The following TIGAR variants were observed in gnomAD, a reference collection of about 807,000 sequenced individuals.
TIGAR encodes the protein fructose-2,6-bisphosphatase TIGAR.
Under a neutral mutation model 17.9 loss-of-function variants are expected in TIGAR, and 7 were observed. The observed-to-expected ratio is 0.39, with a 90% confidence interval of 0.22 to 0.73. The LOEUF (loss-of-function observed/expected upper bound fraction) is 0.73. Among genes scored for constraint, TIGAR ranks in the 30% least tolerant of loss-of-function variants. The probability of loss-of-function intolerance (pLI) is 0.42; values close to 1 mark genes in which losing one functional copy is unlikely to be tolerated. For synonymous variants in TIGAR, 94 were observed against 108.6 expected (o/e 0.87, Z 0.84); for missense variants, 258 against 327.4 (o/e 0.79, Z 1.64).
intron 1 of TIGAR, among the ~76,000 whole-genome samples, chr12:4,328,611 C>G (rs1301573803): frequency 2.1e-5 from 3 of 139,676 alleles, no homozygotes; most frequent in Non-Finnish European, 4.6e-5. Flanking sequence ...GAGTCTTGCT[C>G]TGTTGCCCAG....
chr12:4,331,148 T>G, intron 1 of TIGAR, 132 bp from the exon 2 acceptor site: 1 of 776,788 alleles, frequency 1.3e-6, no homozygotes, highest in Non-Finnish European at 2.2e-6. Context: ...TTTTACAGGT[T>G]GGATTATGAA....
chr12:4,339,481 A>ATTAG (rs1864696468), intron 3 of TIGAR, among the ~76,000 whole-genome samples: 2 of 152,182 alleles, frequency 1.3e-5, no homozygotes, highest in Non-Finnish European at 2.9e-5. Context: ...CTAAAGTACT[A>ATTAG]ATACCAATCC....
At chr12:4,345,035 G>A (rs1864764569) in intron 3 of TIGAR, among the ~76,000 whole-genome samples, 1 of 152,086 alleles carries the variant, frequency 6.6e-6, no homozygotes, top group Non-Finnish European at 1.5e-5. Flanking sequence ...AAAATACCTA[G>A]GAATCCAACT....
chr12:4,344,436 A>G (rs1232489634), intron 3 of TIGAR, among the ~76,000 whole-genome samples: 1 of 152,218 alleles, frequency 6.6e-6, no homozygotes, highest in Non-Finnish European at 1.5e-5. Flanking sequence ...AAAGAATTTT[A>G]GACCAATATC....
chr12:4,326,243 T>C (rs1489178087), intron 1 of TIGAR, among the ~76,000 whole-genome samples: 2 of 152,256 alleles, frequency 1.3e-5, no homozygotes, highest in Non-Finnish European at 2.9e-5. Flanking sequence ...CTTCAAAATA[T>C]ATCCCTCTGA....
At position 4,331,264 on chromosome 12, in the gene TIGAR, T is replaced by G; in HGVS notation, c.33-16T>G. The stretch of plus-strand genomic sequence containing the variant: ...ATAATTTGGCTAATAAGGTTGTCCT[T>G]CTCTTTCTATTTTAGTGGAGAAACA... On this transcript the variant is annotated splice_polypyrimidine_tract_variant and intron_variant, in intron 1 of 5. Coordinates refer to ENST00000179259, the MANE Select transcript of TIGAR (RefSeq NM_020375.3). The G allele has an allele frequency of 6.2e-7, 1 of 1,604,770 alleles. No homozygotes were observed. The highest frequency in any genetic ancestry group is 8.5e-7 in the Non-Finnish European group (1 of 1,171,546).
At chr12:4,329,825 A>G (rs1423164750) in intron 1 of TIGAR, among the ~76,000 whole-genome samples, 8 of 152,104 alleles carry the variant, frequency 5.3e-5, no homozygotes, top group Admixed American at 4.6e-4. Context: ...AGGGTATGCA[A>G]TCCCTGCTTG....
Position 4,341,277 on chromosome 12 carries a change from G to GT in TIGAR, c.192+4117_192+4118insT, listed in dbSNP as rs201773404. ...AGAAGACATACAAATGACAAAGAGAGGGGGGGCGGTTCCAAGATGGCCGAT... is the reference window on the plus strand; with the variant it reads ...AGAAGACATACAAATGACAAAGAGAGTGGGGGGCGGTTCCAAGATGGCCGAT... On this transcript the variant is annotated intron_variant, in intron 3 of 5. Coordinates refer to ENST00000179259, the MANE Select transcript of TIGAR (RefSeq NM_020375.3). 7.3e-3 allele frequency among the ~76,000 whole-genome samples: 1,094 copies of GT among 149,362 alleles called. 7 individuals are homozygous for GT. Among genetic ancestry groups the GT allele is most frequent in the Middle Eastern group, 0.018 (5 of 284 alleles).
chr12:4,335,994 C>G (rs1864654290), intron 2 of TIGAR, among the ~76,000 whole-genome samples: 1 of 152,172 alleles, frequency 6.6e-6, no homozygotes, highest in South Asian at 2.1e-4. Flanking sequence ...TTTTGTGACT[C>G]TGTCTTTATG....
chr12:4,321,965 T>C lies in TIGAR; in HGVS notation c.32+662T>C, dbSNP rs1347781444. ...GCCAAGTGTTAACGGGAGGTGAAAA[T>C]CAGGGTAGTTAAGAGCACAGATTTT... On this transcript the variant is annotated intron_variant, in intron 1 of 5. Coordinates refer to ENST00000179259, the MANE Select transcript of TIGAR (RefSeq NM_020375.3). This position sits in a 1 kb window ranked among gnomAD's most constrained non-coding sequence, Gnocchi z 5.2. Among the ~76,000 whole-genome samples the C allele has an allele frequency of 2.6e-5, 4 of 151,872 alleles. No individual in the cohort carries two copies. The highest frequency in any genetic ancestry group is 9.7e-5 in the African/African-American group (4 of 41,368).
chr12:4,333,207 A>T (rs1394816078), intron 2 of TIGAR, among the ~76,000 whole-genome samples: 1 of 150,278 alleles, frequency 6.7e-6, no homozygotes, highest in Non-Finnish European at 1.5e-5. Flanking sequence ...CATTCCTTTC[A>T]CTCTTTGTGT....
rs896295688 is a variant in TIGAR, at chr12:4,358,460, T to G, written c.*5769T>G. ...AATGGCTGTATACTCTTCACACTTA[T>G]TCACCACTTGCTTACCTGTTGTCCC... is the stretch of plus-strand genomic sequence containing the variant. On this transcript the variant is annotated 3_prime_UTR_variant, in exon 6 of 6. Coordinates refer to ENST00000179259, the MANE Select transcript of TIGAR (RefSeq NM_020375.3). Among the ~76,000 whole-genome samples the G allele has an allele frequency of 6.6e-6, 1 of 152,186 alleles. No individual in the cohort carries two copies. Among genetic ancestry groups the G allele is most frequent in the African/African-American group, 2.4e-5 (1 of 41,452 alleles).
chr12:4,339,634 C>G (rs1222239690), intron 3 of TIGAR, among the ~76,000 whole-genome samples: 1 of 152,152 alleles, frequency 6.6e-6, no homozygotes, highest in Non-Finnish European at 1.5e-5. Context: ...AAGATTGACA[C>G]AAAAATCCTT....
At position 4,331,358 on chromosome 12, in the gene TIGAR, G is replaced by C. The variant is rs1351729949; in HGVS notation, c.70+41G>C. 5 of 1,586,908 alleles carry C rather than the reference G, an allele frequency of 3.2e-6. No homozygotes were observed. In the East Asian group the frequency reaches 1.1e-4, roughly 35 times the overall value. ...TTGTTATTTTAGCTCTCACCCTTGT[G>C]TTAATAAGATGTGTGAGTTAAGCAG... On this transcript the variant is annotated intron_variant, in intron 2 of 5. Transcript: ENST00000179259.
At chr12:4,333,995 C>G (rs1864632487) in intron 2 of TIGAR, among the ~76,000 whole-genome samples, 1 of 151,240 alleles carries the variant, frequency 6.6e-6, no homozygotes. Flanking sequence ...TTTTCCCCTT[C>G]TTTTTATAGT....
intron 3 of TIGAR, among the ~76,000 whole-genome samples, chr12:4,346,614 G>A (rs1409274342): frequency 1.3e-5 from 2 of 152,052 alleles, no homozygotes; most frequent in East Asian, 3.9e-4. Flanking sequence ...GTGGGATGGG[G>A]GGACGGGGGA....
chr12:4,324,612 C>T (rs1864518561), intron 1 of TIGAR: 4 of 1,561,292 alleles, frequency 2.6e-6, no homozygotes, highest in Non-Finnish European at 3.5e-6. Flanking sequence ...TGGGCGGTGC[C>T]TCCTTCTTGG....
At position 4,357,639 on chromosome 12, in the gene TIGAR, T is replaced by C. The variant is rs1033278707; in HGVS notation, c.*4948T>C. ...GGTAACTACCAGTGCTTTAAAAACT[T>C]TAGGATTTCCCCCCACAGTTCTCAA... On this transcript the variant is annotated 3_prime_UTR_variant, in exon 6 of 6. Coordinates refer to ENST00000179259, the MANE Select transcript of TIGAR (RefSeq NM_020375.3). Among the ~76,000 whole-genome samples, 1 of 152,104 alleles carries C rather than the reference T, an allele frequency of 6.6e-6. No homozygotes were observed. The highest frequency in any genetic ancestry group is 1.5e-5 in the Non-Finnish European group (1 of 68,008).
In TIGAR at chr12:4,356,924, C is replaced by G. The variant is rs1864909450; in HGVS notation, c.*4233C>G. ...TCCCATTCACCTGTCTCTTATTTTCCTGTCCTTCCCACTCCTCACTCACCT... is the reference window on the plus strand; with the variant it reads ...TCCCATTCACCTGTCTCTTATTTTCGTGTCCTTCCCACTCCTCACTCACCT... On this transcript the variant is annotated 3_prime_UTR_variant, in exon 6 of 6. Transcript: ENST00000179259. Among the ~76,000 whole-genome samples, 1 of 152,224 alleles carries G rather than the reference C, an allele frequency of 6.6e-6. No individual in the cohort carries two copies. The highest frequency in any genetic ancestry group is 1.5e-5 in the Non-Finnish European group (1 of 68,046).
Sources: allele counts gnomAD v4.1 joint callset (sites outside exome capture counted in the v4.1 genomes callset), GRCh38; gene constraint gnomAD v4.1.1; non-coding constraint Gnocchi (gnomAD v3.1); transcripts MANE v1.5; gene names NCBI Gene and HGNC (gene_info 2026-07-23, HGNC 2026-07-21).